Variants in MLN observed in about 807,000 individuals in gnomAD.
The protein encoded by MLN is promotilin.
A neutral mutation model predicts 13.3 loss-of-function variants in MLN; 14 were observed. The observed-to-expected ratio is 1.05, with a 90% CI of 0.69 to 1.64. The LOEUF (loss-of-function observed/expected upper bound fraction) is 1.64. Among genes scored for constraint, MLN ranks in the 40% most tolerant of loss-of-function variants. MLN has a pLI of 0.00. For missense variants in MLN, 122 were observed against 142.9 expected, an observed-to-expected ratio of 0.85 and a Z score of 0.75; for synonymous variants, 59 against 54.7, an observed-to-expected ratio of 1.08 and a Z score of -0.34.
At chr6:33,800,292 G>A (rs532670143) in intron 2 of MLN, among the ~76,000 whole-genome samples, 1 of 152,192 alleles carries the variant, frequency 6.6e-6, no homozygotes, top group Non-Finnish European at 1.5e-5. Flanking sequence ...CCAAACATCT[G>A]CATAGATACT....
At position 33,798,471 on chromosome 6, in the gene MLN, CCTGGGTTTCTGT is replaced by C. The variant is rs560232593; in HGVS notation, c.234+622_234+633del. On this transcript the variant is annotated intron_variant, in intron 3 of 4. Coordinates refer to ENST00000430124, the MANE Select transcript of MLN (RefSeq NM_002418.3). ...TGGGTGTTGAGGCCTGTGGCTGGCT[CCTGGGTTTCTGT>C]CTGGGAGGGGAGGAATTGGCACCCT... Among the ~76,000 whole-genome samples, 186 of 152,348 alleles carry C rather than the reference CCTGGGTTTCTGT, an allele frequency of 1.2e-3. 1 individual carries two copies. Among genetic ancestry groups the C allele is most frequent in the African/African-American group, 4.3e-3 (179 of 41,590 alleles).
intron 4 of MLN, 136 bp downstream of exon 4, chr6:33,795,367 C>T (rs1346840834): frequency 2.8e-6 from 2 of 711,090 alleles, no homozygotes; most frequent in African/African-American, 1.8e-5. Context: ...CAGCATAGCC[C>T]AGGGAGAAGA....
At position 33,803,282 on chromosome 6, in the gene MLN, C is replaced by A. The variant is rs1421515253; in HGVS notation, c.-8+671G>T. ...CCCATGTGCTCTCCCTCGGGGTCAA[C>A]TTTTTCTTTTCCTTTTCTTTTCTTC... is the stretch of plus-strand genomic sequence containing the variant. On this transcript the variant is annotated intron_variant, in intron 1 of 4. Transcript: ENST00000430124. The surrounding 1 kb of genome is among the most constrained non-coding windows in gnomAD (Gnocchi z 4.5). Among the ~76,000 whole-genome samples, 1 of 150,102 alleles carries A rather than the reference C, an allele frequency of 6.7e-6. No homozygotes were observed. The highest frequency in any genetic ancestry group is 2.0e-4 in the East Asian group (1 of 4,984).
chr6:33,800,988 C>A, intron 2 of MLN, 59 bp downstream of exon 2: 2 of 1,313,104 alleles, frequency 1.5e-6, no homozygotes, highest in Non-Finnish European at 2.2e-6. Context: ...TTGGTATCAC[C>A]GGCATAGGTC....
intron 2 of MLN, 33 bp downstream of exon 2, chr6:33,801,014 T>G (rs1768031550): frequency 6.6e-7 from 1 of 1,520,346 alleles, no homozygotes. Context: ...GACCTCAGCC[T>G]TGCTAGCAGG....
chr6:33,802,345 G>T (rs1366518895), intron 1 of MLN, among the ~76,000 whole-genome samples: 6 of 152,164 alleles, frequency 3.9e-5, no homozygotes, highest in Admixed American at 3.9e-4. Flanking sequence ...TAGGGGTGGA[G>T]GTAGTTACAA....
chr6:33,802,992 T>A (rs1031533940), intron 1 of MLN, among the ~76,000 whole-genome samples: 2 of 152,146 alleles, frequency 1.3e-5, no homozygotes, highest in Non-Finnish European at 2.9e-5. Flanking sequence ...TAGGAATCAA[T>A]AAAAACTTTA....
chr6:33,801,190 T>C lies in MLN; in HGVS notation c.-7-20A>G, dbSNP rs763802697. ...TTGGAGCTGGACAATGACAAGGAGC[T>C]CTTGTCACTAAGTTTGGGGTACAGT... On this transcript the variant is annotated intron_variant, in intron 1 of 4. Coordinates refer to ENST00000430124, the MANE Select transcript of MLN (RefSeq NM_002418.3). 1 of 1,571,528 alleles carries C rather than the reference T, an allele frequency of 6.4e-7. No individual in the cohort carries two copies. The highest frequency in any genetic ancestry group is 8.8e-7 in the Non-Finnish European group (1 of 1,141,742).
Position 33,794,681 on chromosome 6 carries a change from T to C in MLN, c.*144A>G, listed in dbSNP as rs1016561012. The C allele has an allele frequency of 1.1e-6, 1 of 876,986 alleles. No individual in the cohort carries two copies. The highest frequency in any genetic ancestry group is 1.7e-5 in the African/African-American group (1 of 58,854). 54.3% of individuals were successfully genotyped at this position (876,986 alleles called of 1,614,324 possible). On this transcript the variant is annotated 3_prime_UTR_variant, in exon 5 of 5. Coordinates refer to ENST00000430124, the MANE Select transcript of MLN (RefSeq NM_002418.3). Reference sequence around the variant, plus strand: ...TAAATAAGAGTCATTTCTGTATATTTCATGCTTTATTTGCTGGAGGGGAAT... The same window carrying C: ...TAAATAAGAGTCATTTCTGTATATTCCATGCTTTATTTGCTGGAGGGGAAT...
intron 1 of MLN, among the ~76,000 whole-genome samples, chr6:33,802,982 T>C (rs1399346728): frequency 6.6e-6 from 1 of 152,140 alleles, no homozygotes; most frequent in Non-Finnish European, 1.5e-5. Context: ...ATTCACTCCA[T>C]AGGAATCAAT....
Position 33,799,292 on chromosome 6 carries a change from C to T in MLN, c.118-71G>A. On this transcript the variant is annotated intron_variant, in intron 2 of 4. Transcript: ENST00000430124. This position sits in a 1 kb window ranked among gnomAD's most constrained non-coding sequence, Gnocchi z 4.6. ...CACGCTGATGGCCCCTTGCCTGTCT[C>T]CATCTGCCCAGGGTGCTGTCTGCCC... 1.8e-6 allele frequency: 2 copies of T among 1,104,006 alleles called. No homozygotes were observed. The highest frequency in any genetic ancestry group is 2.7e-6 in the Non-Finnish European group (2 of 732,048). The allele number at this position is 1,104,006 out of a possible 1,614,324, so 68.4% of individuals were successfully genotyped here.
Position 33,803,656 on chromosome 6 carries a change from G to A in MLN, c.-8+297C>T, listed in dbSNP as rs1296329282. On this transcript the variant is annotated intron_variant, in intron 1 of 4. Coordinates refer to ENST00000430124, the MANE Select transcript of MLN (RefSeq NM_002418.3). This position sits in a 1 kb window ranked among gnomAD's most constrained non-coding sequence, Gnocchi z 4.5. ...GCCACCATGCCAAGAGGGGCCCTGC[G>A]CCCATGATGAGCTCTGGCTTGGGTT... 1.3e-5 allele frequency among the ~76,000 whole-genome samples: 2 copies of A among 152,178 alleles called. No individual in the cohort carries two copies. The highest frequency in any genetic ancestry group is 2.9e-5 in the Non-Finnish European group (2 of 68,036).
In MLN at chr6:33,803,231, A is replaced by C. The variant is rs1582280534; in HGVS notation, c.-8+722T>G. Reference sequence around the variant, plus strand: ...GTGACCGTCTGCCCTCCCTTGCAGCACCCCTGGCCGGGCTAGCCTTGCCTC... The same window carrying C: ...GTGACCGTCTGCCCTCCCTTGCAGCCCCCCTGGCCGGGCTAGCCTTGCCTC... On this transcript the variant is annotated intron_variant, in intron 1 of 4. Transcript: ENST00000430124. The surrounding 1 kb of genome is among the most constrained non-coding windows in gnomAD (Gnocchi z 4.5). Among the ~76,000 whole-genome samples, 1 of 147,418 alleles carries C rather than the reference A, an allele frequency of 6.8e-6. No homozygotes were observed. The highest frequency in any genetic ancestry group is 6.7e-5 in the Admixed American group (1 of 14,884).
chr6:33,801,604 A>G (rs1045986290), intron 1 of MLN, among the ~76,000 whole-genome samples: 1 of 152,224 alleles, frequency 6.6e-6, no homozygotes, highest in Non-Finnish European at 1.5e-5. Flanking sequence ...TTAGAATGAC[A>G]AAAGGGGTGG....
chr6:33,795,676 G>T, intron 3 of MLN, 71 bp from the exon 4 acceptor site: 3 of 1,329,392 alleles, frequency 2.3e-6, no homozygotes, highest in Non-Finnish European at 3.2e-6. Flanking sequence ...TGCACTACAG[G>T]TGGCAGGAGG....
chr6:33,801,004 G>T, intron 2 of MLN, 43 bp downstream of exon 2: 1 of 1,449,320 alleles, frequency 6.9e-7, no homozygotes, highest in South Asian at 1.1e-5. Flanking sequence ...AGGTCATAGT[G>T]ACCTCAGCCT....
intron 3 of MLN, among the ~76,000 whole-genome samples, chr6:33,798,433 CA>C: frequency 6.6e-6 from 1 of 152,348 alleles, no homozygotes; most frequent in East Asian, 1.9e-4. Context: ...TCCCCAGCCC[CA>C]ACAATCGGCC....
At position 33,799,136 on chromosome 6, in the gene MLN, GGCTCC is replaced by G; in HGVS notation, c.198_202del (p.Glu67HisfsTer39). 3 of 1,610,232 alleles carry G rather than the reference GGCTCC, an allele frequency of 1.9e-6. No individual in the cohort carries two copies. The highest frequency in any genetic ancestry group is 2.5e-6 in the Non-Finnish European group (3 of 1,177,046). On this transcript the variant is annotated frameshift_variant, in exon 3 of 5. Coordinates refer to ENST00000430124, the MANE Select transcript of MLN (RefSeq NM_002418.3). LOFTEE classifies it high-confidence loss of function. This position sits in a 1 kb window ranked among gnomAD's most constrained non-coding sequence, Gnocchi z 4.6. The stretch of plus-strand genomic sequence containing the variant: ...CATTTCGTTTTCTTCTTCCCTGATG[GGCTCC>G]GCAGGGTCTACAGGACCTTCCTCCC...
chr6:33,801,045 A>G lies in MLN; in HGVS notation c.117+2T>C, dbSNP rs781310623. The G allele has an allele frequency of 6.2e-7, 1 of 1,609,792 alleles. No homozygotes were observed. The highest frequency in any genetic ancestry group is 2.2e-5 in the East Asian group (1 of 44,858). ...GCAGGGCAGGCAGCAGGGGGTTCTT[A>G]CCTGCATCCTCTGGAGTTCGCCATA... On this transcript the variant is annotated splice_donor_variant, in intron 2 of 4. Transcript: ENST00000430124. LOFTEE classifies it high-confidence loss of function.
Sources: allele counts gnomAD v4.1 joint callset (sites outside exome capture counted in the v4.1 genomes callset), GRCh38; gene constraint gnomAD v4.1.1; non-coding constraint Gnocchi (gnomAD v3.1); transcripts MANE v1.5; gene names NCBI Gene and HGNC (gene_info 2026-07-23, HGNC 2026-07-21).